Variants in DTNA observed in about 807,000 individuals in gnomAD.
The protein encoded by DTNA is dystrophin-related protein 3.
In DTNA, 43 loss-of-function variants were observed where a neutral mutation model predicts 100.7. That is an observed-to-expected ratio of 0.43 (90% CI 0.33 to 0.55). DTNA has a LOEUF of 0.55. Among genes scored for constraint, DTNA ranks in the 20% least tolerant of loss-of-function variants. The probability of loss-of-function intolerance (pLI) is 0.04; values close to 1 mark genes in which losing one functional copy is unlikely to be tolerated. For synonymous variants in DTNA, 349 were observed against 347.9 expected (o/e 1.00, Z -0.04); for missense variants, 798 against 953.9 (o/e 0.84, Z 2.15).
chr18:34,890,594 C>A lies in DTNA; in HGVS notation c.*2860C>A, dbSNP rs1568926150. On this transcript the variant is annotated 3_prime_UTR_variant, in exon 23 of 23. Transcript: ENST00000444659. ...CACTGGTCTAACACAGCCAACCCTC[C>A]TCCACAGCGCCATATTAATGGAGGA... 8.8e-7 allele frequency: 1 copy of A among 1,132,980 alleles called. No individual in the cohort carries two copies. The highest frequency in any genetic ancestry group is 1.2e-6 in the Non-Finnish European group (1 of 821,124). The allele number at this position is 1,132,980 out of a possible 1,614,324, so 70.2% of individuals were successfully genotyped here. A position where few individuals can be genotyped will look rare whatever the true frequency, so the allele number is the denominator to read the frequency against.
chr18:34,891,452 C>T lies in DTNA; in HGVS notation c.*3718C>T, dbSNP rs139109039. On this transcript the variant is annotated 3_prime_UTR_variant, in exon 23 of 23. Coordinates refer to ENST00000444659, the MANE Select transcript of DTNA (RefSeq NM_001386795.1). ...TTTCAGTGAATCTTTCCTAAAGCAA[C>T]GTGGAGTCAGTCTGTTGAAAGAAGG... The T allele has an allele frequency of 1.3e-5, 2 of 152,450 alleles. No homozygotes were observed. The highest frequency in any genetic ancestry group is 6.5e-5 in the Admixed American group (1 of 15,274). The allele number at this position is 152,450 out of a possible 1,614,324, so 9.4% of individuals were successfully genotyped here. A position where few individuals can be genotyped will look rare whatever the true frequency, so the allele number is the denominator to read the frequency against.
rs1370795211 is a variant in DTNA at position 34,493,847 on chromosome 18, C to CG, written c.-2+337dup. ...AGGGATTCGCCTCAACGCCCACTCA[C>CG]GGGGTTCCCACCTGTGCGCCGGCGC... On this transcript the variant is annotated intron_variant, in intron 1 of 19. Coordinates refer to the DTNA transcript ENST00000283365. The CG allele has an allele frequency of 4.0e-5, 6 of 148,442 alleles. No homozygotes were observed. In the East Asian group the frequency reaches 5.9e-4, roughly 15 times the overall value. 9.2% of individuals were successfully genotyped at this position (148,442 alleles called of 1,614,324 possible).
intron 1 of DTNA, among the ~76,000 whole-genome samples, chr18:34,550,308 G>C (rs1404595295): frequency 6.6e-6 from 1 of 152,106 alleles, no homozygotes; most frequent in African/African-American, 2.4e-5. Flanking sequence ...AGTGAGCAGA[G>C]TACTCCTGAG....
At chr18:34,689,182 C>T (rs983292211) in intron 1 of DTNA, among the ~76,000 whole-genome samples, 5 of 152,130 alleles carry the variant, frequency 3.3e-5, no homozygotes, top group African/African-American at 1.2e-4. Flanking sequence ...AGTTTTGTTC[C>T]CTTGCTGGCG....
In DTNA at chr18:34,877,774, C is replaced by T; in HGVS notation, c.1959C>T (p.Asn653=). Residue 653 remains asparagine, a synonymous_variant, in exon 19 of 23, where the codon AAC becomes AAT. Coordinates refer to ENST00000444659, the MANE Select transcript of DTNA (RefSeq NM_001386795.1). ...DLLVAADSIT[N]TMSSLVKELN... ...TAGTGGCTGCAGATTCCATCACTAA[C>T]ACTATGTCCTCTCTTGTGAAAGAGC... 6.2e-7 allele frequency: 1 copy of T among 1,613,948 alleles called. No individual in the cohort carries two copies. The highest frequency in any genetic ancestry group is 8.5e-7 in the Non-Finnish European group (1 of 1,179,912).
intron 15 of DTNA, among the ~76,000 whole-genome samples, chr18:34,853,675 TA>T (rs1044900807): frequency 2.3e-4 from 35 of 151,304 alleles, no homozygotes; most frequent in South Asian, 2.1e-3. Context: ...AAAATAAAAT[TA>T]AAAAAAAGTT....
intron 1 of DTNA, among the ~76,000 whole-genome samples, chr18:34,688,598 G>A (rs1401507338): frequency 6.6e-6 from 1 of 152,042 alleles, no homozygotes; most frequent in African/African-American, 2.4e-5. Context: ...TTCAACCTTG[G>A]TGGATCTGAC....
intron 1 of DTNA, among the ~76,000 whole-genome samples, chr18:34,619,357 G>A (rs2055994847): frequency 6.6e-6 from 1 of 152,126 alleles, no homozygotes; most frequent in Non-Finnish European, 1.5e-5. Context: ...AAAAACCACT[G>A]TTGCCACAGT....
Position 34,875,385 on chromosome 18 carries a change from G to T in DTNA, c.1890G>T (p.Glu630Asp). The change falls in exon 18 of 23, where the codon GAG becomes GAT. Residue 630 changes from glutamate to aspartate, a missense_variant. This residue lies in a region of DTNA where 242 missense variants were observed against 238.2 expected (regional missense o/e 1.02). Transcript: ENST00000444659. ...SLTGVGGDVQ[E>D]AFAQSSRRNL... ...CAGGAGTAGGGGGAGATGTACAAGA[G>T]GCATTTGCACAAAGTAAGTGGCTTT... is the stretch of plus-strand genomic sequence containing the variant. 6.2e-7 allele frequency: 1 copy of T among 1,614,178 alleles called. No homozygotes were observed. The highest frequency in any genetic ancestry group is 8.5e-7 in the Non-Finnish European group (1 of 1,180,040).
At chr18:34,516,660 C>T (rs985042115) in intron 1 of DTNA, among the ~76,000 whole-genome samples, 11 of 152,064 alleles carry the variant, frequency 7.2e-5, no homozygotes, top group African/African-American at 2.2e-4. Context: ...AAGAATTCAG[C>T]GATATTTCTC....
At chr18:34,584,289 CAA>C (rs1420825210) in intron 1 of DTNA, among the ~76,000 whole-genome samples, 1 of 152,108 alleles carries the variant, frequency 6.6e-6, no homozygotes, top group Non-Finnish European at 1.5e-5. Context: ...AAGTCTCCAA[CAA>C]AGAGACCAAA....
intron 1 of DTNA, among the ~76,000 whole-genome samples, chr18:34,606,085 TC>T (rs1055701629): frequency 1.3e-5 from 2 of 152,154 alleles, no homozygotes; most frequent in African/African-American, 4.8e-5. Context: ...AGTAATCAAA[TC>T]AGGGATGTTT....
intron 1 of DTNA, among the ~76,000 whole-genome samples, chr18:34,502,278 G>C (rs554715721): frequency 3.3e-5 from 5 of 152,240 alleles, no homozygotes; most frequent in African/African-American, 1.2e-4. Context: ...AGTTTTGCTA[G>C]AGGATTTCAA....
At chr18:34,636,699 C>A (rs2730124) in intron 1 of DTNA, among the ~76,000 whole-genome samples, 26,822 of 151,982 alleles carry the variant, frequency 0.18, 3,237 homozygotes, top group African/African-American at 0.35. Context: ...CATGGATCAC[C>A]CTTTGAGGAA....
chr18:34,522,851 C>T (rs183885355), intron 1 of DTNA, among the ~76,000 whole-genome samples: 1 of 152,230 alleles, frequency 6.6e-6, no homozygotes, highest in African/African-American at 2.4e-5. Flanking sequence ...GCAGATGGGC[C>T]CAAGCAGGGG....
In DTNA at chr18:34,629,971, C is replaced by T. The variant is rs542362937; in HGVS notation, c.-1-126005C>T. ...GCTTATTCTATCTCATGCTCTGTGT[C>T]GTAGGGTTAAATGATGTCGTTGGCA... On this transcript the variant is annotated intron_variant, in intron 1 of 19. Transcript: ENST00000283365. Among the ~76,000 whole-genome samples the T allele has an allele frequency of 1.3e-3, 205 of 152,256 alleles. 1 individual carries two copies. Among genetic ancestry groups the T allele is most frequent in the Non-Finnish European group, 1.9e-3 (132 of 68,018 alleles).
intron 1 of DTNA, among the ~76,000 whole-genome samples, chr18:34,585,697 G>A (rs1403081181): frequency 1.3e-5 from 2 of 152,026 alleles, no homozygotes; most frequent in African/African-American, 2.4e-5. Flanking sequence ...ATAGTAGGAG[G>A]CCAAAAGGTA....
Position 34,890,227 on chromosome 18 carries a change from C to A in DTNA, c.*2493C>A. 6.7e-7 allele frequency: 1 copy of A among 1,487,462 alleles called. No individual in the cohort carries two copies. Among genetic ancestry groups the A allele is most frequent in the South Asian group, 1.3e-5 (1 of 74,586 alleles). 92.1% of individuals were successfully genotyped at this position (1,487,462 alleles called of 1,614,324 possible). ...TGGTTGTTGATATCGTCATATAAAGCCATTGCAAGGACTCTGGAAACTGCC... is the reference window on the plus strand; with the variant it reads ...TGGTTGTTGATATCGTCATATAAAGACATTGCAAGGACTCTGGAAACTGCC... On this transcript the variant is annotated 3_prime_UTR_variant, in exon 23 of 23. Transcript: ENST00000444659.
chr18:34,743,511 C>A (rs1308960792), intron 1 of DTNA, among the ~76,000 whole-genome samples: 2 of 152,084 alleles, frequency 1.3e-5, no homozygotes, highest in Non-Finnish European at 2.9e-5. Context: ...AATAATATTA[C>A]TAAATTTAAT....
Sources: allele counts gnomAD v4.1 joint callset (sites outside exome capture counted in the v4.1 genomes callset), GRCh38; gene constraint gnomAD v4.1.1; regional missense constraint gnomAD v4.1.1; transcripts MANE v1.5; gene names NCBI Gene and HGNC (gene_info 2026-07-23, HGNC 2026-07-21).